Variants in ITGB4 observed in about 807,000 individuals in gnomAD.
ITGB4 encodes integrin beta-4.
ITGB4 carries 159 observed loss-of-function variants against 207.6 expected under a neutral mutation model. That is an observed-to-expected ratio of 0.77 (90% CI 0.67 to 0.87). ITGB4 has a LOEUF of 0.87. Among genes scored for constraint, ITGB4 ranks in the 40% least tolerant of loss-of-function variants. The pLI, the probability that ITGB4 is intolerant of heterozygous loss-of-function variation, is 0.00. For missense variants in ITGB4, 2,278 were observed against 2,546.8 expected (o/e 0.89, Z 2.27); for synonymous variants, 1,020 against 1,062.7 (o/e 0.96, Z 0.78).
In ITGB4 at chr17:75,740,495, G is replaced by A. The variant is rs1467848643; in HGVS notation, c.2550+34G>A. 3 of 1,557,216 alleles carry A rather than the reference G, an allele frequency of 1.9e-6. No individual in the cohort carries two copies. The East Asian group carries it at 6.7e-5, about 35-fold the overall frequency. On this transcript the variant is annotated intron_variant, in intron 21 of 39. Transcript: ENST00000200181. The surrounding 1 kb of genome is among the most constrained non-coding windows in gnomAD (Gnocchi z 5.9). ...CCAGGAACTAGGCCTGGCCGGAGAT[G>A]TGGGTATGAGGGCGGGTGAGGTGGG...
chr17:75,756,689 C>G lies in ITGB4; in HGVS notation c.4898-15C>G, dbSNP rs1599323209. The G allele has an allele frequency of 1.2e-6, 2 of 1,613,518 alleles. No homozygotes were observed. The highest frequency in any genetic ancestry group is 1.1e-5 in the South Asian group (1 of 91,082). On this transcript the variant is annotated splice_polypyrimidine_tract_variant and intron_variant, in intron 36 of 39. Coordinates refer to ENST00000200181, the MANE Select transcript of ITGB4 (RefSeq NM_000213.5). The stretch of plus-strand genomic sequence containing the variant: ...ACCCACCCACAGGCTGATGCTCTTC[C>G]TCTACTGCCCCCAGGCTCCGCCTTC...
intron 12 of ITGB4, 93 bp from the exon 13 acceptor site, chr17:75,733,397 T>A (rs574967183): frequency 7.7e-4 from 771 of 999,242 alleles, no homozygotes; most frequent in African/African-American, 1.0e-3. Flanking sequence ...AAAAAAAAAA[T>A]AAAATAATTA....
Position 75,740,338 on chromosome 17 carries a change from C to G in ITGB4, c.2447-20C>G, listed in dbSNP as rs765976701. 6 of 1,603,752 alleles carry G rather than the reference C, an allele frequency of 3.7e-6. No homozygotes were observed. The highest frequency in any genetic ancestry group is 3.3e-5 in the Admixed American group (2 of 59,784). On this transcript the variant is annotated intron_variant, in intron 20 of 39. Transcript: ENST00000200181. This position sits in a 1 kb window ranked among gnomAD's most constrained non-coding sequence, Gnocchi z 5.9. ...GGGCTGACCACCTCCATCTCACCCC[C>G]TCCCACCGCCTTTCCTTAGTGCCCT...
intron 35 of ITGB4, among the ~76,000 whole-genome samples, 194 bp downstream of exon 35, chr17:75,756,044 C>T (rs575957033): frequency 1.3e-5 from 2 of 152,340 alleles, no homozygotes; most frequent in Non-Finnish European, 2.9e-5. Context: ...GAGGTCTCAC[C>T]CACCTCCCTG....
intron 30 of ITGB4, chr17:75,751,505 C>T (rs1346381743): frequency 6.7e-6 from 2 of 296,680 alleles, no homozygotes; most frequent in South Asian, 6.6e-5. Flanking sequence ...TTATTTTGTA[C>T]ATTGAGAGGC....
intron 23 of ITGB4, 170 bp downstream of exon 23, chr17:75,741,175 A>G: frequency 1.3e-6 from 1 of 790,274 alleles, no homozygotes; most frequent in Non-Finnish European, 2.1e-6. Context: ...TCTTCAACAA[A>G]TGCTAATGTG....
intron 26 of ITGB4, 68 bp from the exon 27 acceptor site, chr17:75,748,773 A>T: frequency 8.5e-7 from 1 of 1,178,214 alleles, no homozygotes; most frequent in Non-Finnish European, 1.2e-6. Flanking sequence ...GTTGGGAGGG[A>T]GCGTGTGGCC....
chr17:75,746,230 C>A (rs143241133), intron 26 of ITGB4: 1 of 151,668 alleles, frequency 6.6e-6, no homozygotes, highest in Non-Finnish European at 1.5e-5. Flanking sequence ...TGTCCACCAC[C>A]GCACGGCTAA....
In ITGB4 at chr17:75,727,419, C is replaced by A. The variant is rs550392338; in HGVS notation, c.178C>A (p.Arg60Ser). The change falls in exon 4 of 40, where the codon CGC becomes AGC. Residue 60 changes from arginine (R) to serine (S), a missense_variant. Arg to Ser is a moderately radical substitution (Grantham distance 110). Coordinates refer to ENST00000200181, the MANE Select transcript of ITGB4 (RefSeq NM_000213.5). This position sits in a 1 kb window ranked among gnomAD's most constrained non-coding sequence, Gnocchi z 6.0. ...TTCTGGCCAGATGTTCAGGGACCGG[C>A]GCTGCAACACCCAGGCGGAGCTGCT... ...YCTDEMFRDR[R>S]CNTQAELLAA... 3.7e-6 allele frequency: 6 copies of A among 1,613,890 alleles called. No homozygotes were observed. The highest frequency in any genetic ancestry group is 5.1e-6 in the Non-Finnish European group (6 of 1,180,010).
Position 75,749,025 on chromosome 17 carries a change from CCA to C in ITGB4, c.3297_3298del (p.Ile1100HisfsTer7), listed in dbSNP as rs2143311947. On this transcript the variant is annotated frameshift_variant, in exon 27 of 40. Coordinates refer to ENST00000200181, the MANE Select transcript of ITGB4 (RefSeq NM_000213.5). LOFTEE classifies it high-confidence loss of function. ...CACCTGGGCCAGCCCCACTCCACCACCATCATCATCAGGGACCCAGGTAGGCA... is the reference window on the plus strand; with the variant it reads ...CACCTGGGCCAGCCCCACTCCACCACTCATCATCAGGGACCCAGGTAGGCA... 1.9e-6 allele frequency: 3 copies of C among 1,566,260 alleles called. No homozygotes were observed. Among genetic ancestry groups the C allele is most frequent in the Non-Finnish European group, 2.6e-6 (3 of 1,139,746 alleles).
chr17:75,740,532 G>A lies in ITGB4; in HGVS notation c.2550+71G>A, dbSNP rs779221597. On this transcript the variant is annotated intron_variant, in intron 21 of 39. Coordinates refer to ENST00000200181, the MANE Select transcript of ITGB4 (RefSeq NM_000213.5). This position sits in a 1 kb window ranked among gnomAD's most constrained non-coding sequence, Gnocchi z 5.9. The stretch of plus-strand genomic sequence containing the variant: ...GCGGGTGAGGTGGGCAGGGCAGAGC[G>A]AATGCGGTCGTGGTACCGAGATTCA... 1.2e-5 allele frequency: 15 copies of A among 1,287,200 alleles called. No homozygotes were observed. Among genetic ancestry groups the A allele is most frequent in the East Asian group, 4.6e-5 (2 of 43,170 alleles). The allele number at this position is 1,287,200 out of a possible 1,614,324, so 79.7% of individuals were successfully genotyped here. A position where few individuals can be genotyped will look rare whatever the true frequency, so the allele number is the denominator to read the frequency against.
rs1436052393 is a variant in ITGB4 at position 75,732,739 on chromosome 17, G to A, written c.1454+500G>A. ...GGTCTCAGCTCAGCCACTTCTGTCT[G>A]CATGACTGGGAGCTGCCTCGGCCCT... On this transcript the variant is annotated intron_variant, in intron 12 of 39. Coordinates refer to ENST00000200181, the MANE Select transcript of ITGB4 (RefSeq NM_000213.5). This position sits in a 1 kb window ranked among gnomAD's most constrained non-coding sequence, Gnocchi z 5.3. Among the ~76,000 whole-genome samples the A allele has an allele frequency of 6.6e-6, 1 of 152,176 alleles. No individual in the cohort carries two copies. Among genetic ancestry groups the A allele is most frequent in the African/African-American group, 2.4e-5 (1 of 41,434 alleles).
At chr17:75,747,146 A>G (rs2061250343) in intron 26 of ITGB4, among the ~76,000 whole-genome samples, 1 of 152,126 alleles carries the variant, frequency 6.6e-6, no homozygotes, top group African/African-American at 2.4e-5. Flanking sequence ...AGATGTGGAC[A>G]TCTGTATCTT....
intron 34 of ITGB4, 151 bp downstream of exon 34, chr17:75,754,966 G>A (rs2061458880): frequency 3.9e-6 from 6 of 1,543,980 alleles, no homozygotes; most frequent in Non-Finnish European, 4.4e-6. Flanking sequence ...GCACACGCAT[G>A]CACACATGTA....
Position 75,756,972 on chromosome 17 carries a change from G to C in ITGB4, c.5083G>C (p.Asp1695His). 1 of 1,612,792 alleles carries C rather than the reference G, an allele frequency of 6.2e-7. No individual in the cohort carries two copies. Among genetic ancestry groups the C allele is most frequent in the Non-Finnish European group, 8.5e-7 (1 of 1,179,958 alleles). ...AGCCACCGCATTCCGGGTGGATGGA[G>C]ACAGCCCCGAGAGCCGGCTGACCGT... Reference protein sequence around the residue: ...GPATAFRVDGDSPESRLTVPG... With the variant: ...GPATAFRVDGHSPESRLTVPG... Residue 1695 changes from aspartate to histidine, a missense_variant, in exon 38 of 40, where the codon GAC becomes CAC. Coordinates refer to ENST00000200181, the MANE Select transcript of ITGB4 (RefSeq NM_000213.5).
In ITGB4 at chr17:75,728,612, A is replaced by T. The variant is rs2148468111; in HGVS notation, c.566+139A>T. The stretch of plus-strand genomic sequence containing the variant: ...GCCTGTAATCCCAGCACTTTGGGAG[A>T]CCAGGGCGGGCAGATCACCTGAGGT... On this transcript the variant is annotated intron_variant, in intron 6 of 39. Coordinates refer to ENST00000200181, the MANE Select transcript of ITGB4 (RefSeq NM_000213.5). 9 of 716,592 alleles carry T rather than the reference A, an allele frequency of 1.3e-5. No homozygotes were observed. In the South Asian group the frequency reaches 1.3e-4, roughly 11 times the overall value. 44.4% of individuals were successfully genotyped at this position (716,592 alleles called of 1,614,324 possible).
chr17:75,754,949 C>A (rs1371363126), intron 34 of ITGB4, 134 bp downstream of exon 34: 3 of 1,395,774 alleles, frequency 2.1e-6, no homozygotes, highest in Non-Finnish European at 2.9e-6. Flanking sequence ...CATGCACGCA[C>A]ACACGTGCAC....
intron 26 of ITGB4, among the ~76,000 whole-genome samples, chr17:75,747,703 C>T (rs1393864346): frequency 6.6e-6 from 1 of 152,122 alleles, no homozygotes; most frequent in African/African-American, 2.4e-5. Flanking sequence ...CTCTGTCACC[C>T]AGGCTGGAGT....
chr17:75,750,334 G>C lies in ITGB4; in HGVS notation c.3474+66G>C. 6.5e-7 allele frequency: 1 copy of C among 1,532,042 alleles called. No homozygotes were observed. Among genetic ancestry groups the C allele is most frequent in the Non-Finnish European group, 8.8e-7 (1 of 1,132,156 alleles). The allele number at this position is 1,532,042 out of a possible 1,614,324, so 94.9% of individuals were successfully genotyped here. On this transcript the variant is annotated intron_variant, in intron 28 of 39. Transcript: ENST00000200181. The surrounding 1 kb of genome is among the most constrained non-coding windows in gnomAD (Gnocchi z 5.5). ...GTCTGGCACCAGCACTCACAGAAGA[G>C]GTGGGCCGTCCAAGGCCAGGGCCCC...
Sources: allele counts gnomAD v4.1 joint callset (sites outside exome capture counted in the v4.1 genomes callset), GRCh38; gene constraint gnomAD v4.1.1; non-coding constraint Gnocchi (gnomAD v3.1); transcripts MANE v1.5; gene names NCBI Gene and HGNC (gene_info 2026-07-23, HGNC 2026-07-21).